POM121: variants seen among roughly 807,000 people sequenced by gnomAD.
POM121 encodes nuclear envelope pore membrane protein POM 121.
POM121 carries 32 observed loss-of-function variants against 81.3 expected under a neutral mutation model. The ratio of observed to expected loss-of-function variants is 0.39; its 90% confidence interval spans 0.30 to 0.53. POM121 has a LOEUF of 0.53. Among genes scored for constraint, POM121 ranks in the 20% least tolerant of loss-of-function variants. The probability of loss-of-function intolerance (pLI) is 0.66; values close to 1 mark genes in which losing one functional copy is unlikely to be tolerated. For missense variants in POM121, 1,138 were observed against 1,614.6 expected, an observed-to-expected ratio of 0.70 and a Z score of 5.06; for synonymous variants, 514 against 694.2, an observed-to-expected ratio of 0.74 and a Z score of 4.08.
chr7:72,902,841 T>C (rs782168112), intron 3 of POM121, among the ~76,000 whole-genome samples: 1 of 152,186 alleles, frequency 6.6e-6, no homozygotes, highest in African/African-American at 2.4e-5. Flanking sequence ...GTCTATGATA[T>C]TTTCTATTTC....
At position 72,946,198 on chromosome 7, in the gene POM121, A is replaced by T; in HGVS notation, c.3714A>T (p.Arg1238=). The T allele has an allele frequency of 6.2e-7, 1 of 1,611,760 alleles. No homozygotes were observed. Among genetic ancestry groups the T allele is most frequent in the Non-Finnish European group, 8.5e-7 (1 of 1,179,746 alleles). ...AGSKTPGARQ[R]LQARRQHTRK... ...CCAAGACCCCAGGGGCTCGACAGCGACTGCAGGCCCGAAGGCAGCACACCC... is the reference window on the plus strand; with the variant it reads ...CCAAGACCCCAGGGGCTCGACAGCGTCTGCAGGCCCGAAGGCAGCACACCC... The change falls in exon 13 of 13, where the codon CGA becomes CGT. Residue 1238 remains arginine, a synonymous_variant. Transcript: ENST00000434423.
intron 3 of POM121, among the ~76,000 whole-genome samples, chr7:72,904,473 A>AT (rs1330281055): frequency 6.6e-6 from 1 of 152,188 alleles, no homozygotes; most frequent in Non-Finnish European, 1.5e-5. Flanking sequence ...ACAAAGGCAG[A>AT]TCAGTCCTTT....
At chr7:72,900,149 TA>T (rs1792455148) in intron 3 of POM121, among the ~76,000 whole-genome samples, 1 of 152,224 alleles carries the variant, frequency 6.6e-6, no homozygotes, top group Middle Eastern at 3.2e-3. Context: ...GGCATTTGGA[TA>T]ATCAGTCCTA....
upstream of POM121, among the ~76,000 whole-genome samples, chr7:72,922,823 A>C (rs1794941691): frequency 6.6e-6 from 1 of 152,100 alleles, no homozygotes; most frequent in Admixed American, 6.6e-5. Context: ...CTCTATTTAC[A>C]TTAATTCTCA....
chr7:72,938,480 C>T lies in POM121; in HGVS notation c.1276-110C>T, dbSNP rs1396546225. The T allele has an allele frequency of 3.9e-4, 500 of 1,290,076 alleles. 5 individuals are homozygous for T. The highest frequency in any genetic ancestry group is 1.9e-4 in the Admixed American group (11 of 57,846). 79.9% of individuals were successfully genotyped at this position (1,290,076 alleles called of 1,614,324 possible). A position where few individuals can be genotyped will look rare whatever the true frequency, so the allele number is the denominator to read the frequency against. ...TGCTGGGATTACAGGCATGACTAACCATTTAACCATAAAGAATGTTTTTTT... is the reference window on the plus strand; with the variant it reads ...TGCTGGGATTACAGGCATGACTAACTATTTAACCATAAAGAATGTTTTTTT... On this transcript the variant is annotated intron_variant, in intron 5 of 12. Transcript: ENST00000434423.
At chr7:72,885,121 T>C (rs1298852867) in intron 1 of POM121, among the ~76,000 whole-genome samples, 3 of 152,202 alleles carry the variant, frequency 2.0e-5, no homozygotes, top group Non-Finnish European at 2.9e-5. Flanking sequence ...AATGATTTTA[T>C]AGAAGTCTTT....
At chr7:72,929,194 G>A (rs1474732618) in intron 4 of POM121, among the ~76,000 whole-genome samples, 1 of 152,186 alleles carries the variant, frequency 6.6e-6, no homozygotes, top group Non-Finnish European at 1.5e-5. Flanking sequence ...AAAGTCTCAG[G>A]GGGAATAAAG....
rs1797717449 is a variant in POM121 at position 72,946,626 on chromosome 7, G to A, written c.*392G>A. 9.9e-7 allele frequency: 1 copy of A among 1,010,206 alleles called. No homozygotes were observed. The allele number at this position is 1,010,206 out of a possible 1,614,324, so 62.6% of individuals were successfully genotyped here. On this transcript the variant is annotated 3_prime_UTR_variant, in exon 13 of 13. Transcript: ENST00000434423. ...CAGGGTCCAGCCCGCCTGGATCGGT[G>A]GTGTGCACCTGATGGGATTTGGGAA... is the stretch of plus-strand genomic sequence containing the variant.
rs1246868015 is a variant in POM121, at chr7:72,907,007, G to A, written c.-215-6758G>A. 2.6e-5 allele frequency among the ~76,000 whole-genome samples: 4 copies of A among 151,928 alleles called. No homozygotes were observed. The East Asian group carries it at 5.8e-4, about 22-fold the overall frequency. On this transcript the variant is annotated intron_variant, in intron 3 of 15. Coordinates refer to the POM121 transcript ENST00000395270. ...AGAAGATTTATACTTAATTTTAGATGGGTTTTTATTATCTCTTTTCTAAGT... is the reference window on the plus strand; with the variant it reads ...AGAAGATTTATACTTAATTTTAGATAGGTTTTTATTATCTCTTTTCTAAGT...
At chr7:72,898,632 A>G (rs1179192700) in intron 3 of POM121, among the ~76,000 whole-genome samples, 2 of 151,938 alleles carry the variant, frequency 1.3e-5, no homozygotes, top group Non-Finnish European at 2.9e-5. Flanking sequence ...TCCTGTCTCT[A>G]CTAAAAATAC....
intron 4 of POM121, among the ~76,000 whole-genome samples, chr7:72,915,989 G>C (rs1794261546): frequency 6.6e-6 from 1 of 152,150 alleles, no homozygotes; most frequent in Non-Finnish European, 1.5e-5. Context: ...CTTTTTGATG[G>C]GGTTGTTTGT....
chr7:72,939,265 G>A (rs1172592790), intron 6 of POM121, 71 bp from the exon 7 acceptor site: 1 of 1,568,774 alleles, frequency 6.4e-7, no homozygotes, highest in Non-Finnish European at 8.7e-7. Context: ...TAGTTAGGAG[G>A]GTGTGAGAAA....
At chr7:72,926,050 GA>G (rs2129577831) in intron 1 of POM121, among the ~76,000 whole-genome samples, 2 of 152,220 alleles carry the variant, frequency 1.3e-5, no homozygotes, top group East Asian at 3.9e-4. Flanking sequence ...TCAAACTGTT[GA>G]AATCCATTGT....
At chr7:72,893,727 G>C (rs1238032390) in intron 3 of POM121, among the ~76,000 whole-genome samples, 1 of 152,200 alleles carries the variant, frequency 6.6e-6, no homozygotes, top group African/African-American at 2.4e-5. Flanking sequence ...ACAGCACGTA[G>C]TAGGTGTGGA....
intron 3 of POM121, among the ~76,000 whole-genome samples, chr7:72,913,540 C>T (rs1306983143): frequency 6.6e-6 from 1 of 152,194 alleles, no homozygotes; most frequent in Non-Finnish European, 1.5e-5. Context: ...CCTGTCTAGC[C>T]TCCGTGTTCC....
chr7:72,894,135 G>A (rs1277767226), intron 3 of POM121, among the ~76,000 whole-genome samples: 4 of 152,148 alleles, frequency 2.6e-5, no homozygotes, highest in African/African-American at 7.2e-5. Context: ...GTGGTGACAC[G>A]CGCCTGTAGT....
At position 72,939,846 on chromosome 7, in the gene POM121, G is replaced by C. The variant is rs1796891823; in HGVS notation, c.1442-1G>C. Reference sequence around the variant, plus strand: ...AAACGAGTCTTGATTTCTTTCTTTAGCTGCAGATACAACCCCAAGGAAGAA... The same window carrying C: ...AAACGAGTCTTGATTTCTTTCTTTACCTGCAGATACAACCCCAAGGAAGAA... On this transcript the variant is annotated splice_acceptor_variant, in intron 7 of 12. Transcript: ENST00000434423. LOFTEE classifies it high-confidence loss of function. The C allele has an allele frequency of 1.9e-6, 3 of 1,610,858 alleles. No individual in the cohort carries two copies. The highest frequency in any genetic ancestry group is 2.5e-6 in the Non-Finnish European group (3 of 1,179,220).
intron 1 of POM121, among the ~76,000 whole-genome samples, chr7:72,889,017 A>G (rs1554490475): frequency 6.6e-6 from 1 of 152,030 alleles, no homozygotes; most frequent in African/African-American, 2.4e-5. Context: ...TGTCTGTTGT[A>G]TATTATGTTT....
At chr7:72,939,699 A>G in intron 7 of POM121, 148 bp from the exon 8 acceptor site, 1 of 1,598,898 alleles carries the variant, frequency 6.3e-7, no homozygotes, top group Non-Finnish European at 8.5e-7. Context: ...TAATCTTGCA[A>G]ACACCATCCA....
Sources: gnomAD v4.1 joint callset for allele counts (sites outside exome capture counted in the v4.1 genomes callset) on GRCh38, gnomAD v4.1.1 for gene constraint, MANE v1.5 for transcripts, NCBI Gene and HGNC (gene_info 2026-07-23, HGNC 2026-07-21) for gene names.